Variants in ITGA11 observed in about 807,000 individuals in gnomAD.
ITGA11 encodes the protein integrin alpha-11.
A neutral mutation model predicts 141.9 loss-of-function variants in ITGA11; 97 were observed. The observed-to-expected ratio is 0.68, with a 90% confidence interval of 0.58 to 0.81. The LOEUF is 0.81. Among genes scored for constraint, ITGA11 ranks in the 30% least tolerant of loss-of-function variants. The pLI, the probability that ITGA11 is intolerant of heterozygous loss-of-function variation, is 0.00. For missense variants in ITGA11, 1,387 were observed against 1,559.2 expected (o/e 0.89, Z 1.86); for synonymous variants, 658 against 624.6 (o/e 1.05, Z -0.80).
chr15:68,325,603 C>A lies in ITGA11; in HGVS notation c.2212-362G>T, dbSNP rs1893950642. ...CACCACTCTCTTCAGACCAGTTACG[C>A]CTGCTGCTCATGTAGCATTTGAACC... On this transcript the variant is annotated intron_variant, in intron 17 of 29. Coordinates refer to ENST00000315757, the MANE Select transcript of ITGA11 (RefSeq NM_001004439.2). The surrounding 1 kb of genome is among the most constrained non-coding windows in gnomAD (Gnocchi z 5.5). Among the ~76,000 whole-genome samples, 1 of 152,224 alleles carries A rather than the reference C, an allele frequency of 6.6e-6. No homozygotes were observed. Among genetic ancestry groups the A allele is most frequent in the Non-Finnish European group, 1.5e-5 (1 of 68,044 alleles).
At chr15:68,373,829 T>C (rs766719145) in intron 2 of ITGA11, among the ~76,000 whole-genome samples, 2 of 152,116 alleles carry the variant, frequency 1.3e-5, no homozygotes, top group Admixed American at 1.3e-4. Flanking sequence ...AGCTGATGCA[T>C]TGACAGTGGG....
intron 15 of ITGA11, among the ~76,000 whole-genome samples, chr15:68,329,335 C>T (rs1567131144): frequency 1.3e-5 from 2 of 152,214 alleles, no homozygotes; most frequent in African/African-American, 4.8e-5. Context: ...AAAATTACTG[C>T]TGCCCAGGTC....
intron 2 of ITGA11, among the ~76,000 whole-genome samples, chr15:68,396,514 A>C (rs539616844): frequency 3.9e-5 from 6 of 152,156 alleles, no homozygotes; most frequent in African/African-American, 1.4e-4. Context: ...TCATAGCAGA[A>C]ATAAGAAAAG....
chr15:68,422,129 G>A (rs1245239893), intron 1 of ITGA11, among the ~76,000 whole-genome samples: 5 of 152,148 alleles, frequency 3.3e-5, no homozygotes, highest in African/African-American at 7.2e-5. Context: ...GCCGTGGGGC[G>A]CTCCCTCTCA....
chr15:68,317,082 G>T (rs1369435694), intron 21 of ITGA11, among the ~76,000 whole-genome samples, 183 bp downstream of exon 21: 1 of 152,188 alleles, frequency 6.6e-6, no homozygotes, highest in Non-Finnish European at 1.5e-5. Flanking sequence ...CATGGGGATG[G>T]CTGGCTCATT....
At position 68,303,063 on chromosome 15, in the gene ITGA11, T is replaced by C. The variant is rs1357026733; in HGVS notation, c.3563A>G (p.Glu1188Gly). The change falls in exon 30 of 30, where the codon GAG becomes GGG. Residue 1188 changes from glutamate to glycine, a missense_variant. By Grantham distance (98) the Glu-to-Gly change is moderately conservative. Coordinates refer to ENST00000315757, the MANE Select transcript of ITGA11 (RefSeq NM_001004439.2). The surrounding 1 kb of genome is among the most constrained non-coding windows in gnomAD (Gnocchi z 5.3). ...CTCAAAGTCTCCTCTGGAGCCTCAC[T>C]CCAGCACTTTGGGGGTGGGGTCCAG... Reference protein sequence around the residue: ...PGLDPTPKVLE With the variant: ...PGLDPTPKVLG 2.6e-6 allele frequency: 4 copies of C among 1,549,594 alleles called. No individual in the cohort carries two copies. The highest frequency in any genetic ancestry group is 2.7e-5 in the African/African-American group (2 of 72,992).
chr15:68,343,206 GT>G (rs1205405858), intron 10 of ITGA11, among the ~76,000 whole-genome samples: 1 of 152,168 alleles, frequency 6.6e-6, no homozygotes, highest in Admixed American at 6.5e-5. Flanking sequence ...GAAGAATCAG[GT>G]GTCACAGTCA....
intron 2 of ITGA11, among the ~76,000 whole-genome samples, chr15:68,385,178 C>T (rs4776404): frequency 0.66 from 100,135 of 152,192 alleles, 34,508 homozygotes; most frequent in South Asian, 0.76. Flanking sequence ...GCTTGAGTTT[C>T]CATTGCTTGG....
chr15:68,305,190 G>A lies in ITGA11; in HGVS notation c.3382-1305C>T, dbSNP rs1893152909. Among the ~76,000 whole-genome samples, 1 of 152,178 alleles carries A rather than the reference G, an allele frequency of 6.6e-6. No individual in the cohort carries two copies. Among genetic ancestry groups the A allele is most frequent in the African/African-American group, 2.4e-5 (1 of 41,448 alleles). ...GCATGCATGCCATGGCGTGCCTGCT[G>A]TAGGCATTGCTATTCCCTCTGCCTG... On this transcript the variant is annotated intron_variant, in intron 28 of 29. Coordinates refer to ENST00000315757, the MANE Select transcript of ITGA11 (RefSeq NM_001004439.2). The surrounding 1 kb of genome is among the most constrained non-coding windows in gnomAD (Gnocchi z 4.6).
chr15:68,354,700 T>C (rs902436697), intron 7 of ITGA11, among the ~76,000 whole-genome samples: 1 of 152,192 alleles, frequency 6.6e-6, no homozygotes, highest in South Asian at 2.1e-4. Flanking sequence ...GCAGTTCTCC[T>C]TGGCCACTCC....
At chr15:68,367,611 T>C (rs1196856671) in intron 3 of ITGA11, among the ~76,000 whole-genome samples, 1 of 152,214 alleles carries the variant, frequency 6.6e-6, no homozygotes, top group Non-Finnish European at 1.5e-5. Context: ...CCTAAAACTA[T>C]CCTGCTTCTT....
At chr15:68,376,266 C>G (rs1247864140) in intron 2 of ITGA11, among the ~76,000 whole-genome samples, 1 of 151,310 alleles carries the variant, frequency 6.6e-6, no homozygotes, top group Non-Finnish European at 1.5e-5. Context: ...ACTGTGTGCA[C>G]AGCCGGGTCT....
At chr15:68,311,533 C>T in intron 24 of ITGA11, 130 bp from the exon 25 acceptor site, 1 of 644,802 alleles carries the variant, frequency 1.6e-6, no homozygotes. Flanking sequence ...CCACTCAAGA[C>T]CCCTGGTGTT....
At chr15:68,343,669 C>T (rs1221529178) in intron 10 of ITGA11, among the ~76,000 whole-genome samples, 2 of 152,172 alleles carry the variant, frequency 1.3e-5, no homozygotes, top group African/African-American at 4.8e-5. Flanking sequence ...AGGCTGTCCT[C>T]CCCCGCCAAA....
At chr15:68,317,243 C>T in intron 21 of ITGA11, 22 bp downstream of exon 21, 4 of 1,569,686 alleles carry the variant, frequency 2.5e-6, no homozygotes, top group Non-Finnish European at 3.5e-6. Context: ...TGACCCTCCC[C>T]CACATTGTCC....
In ITGA11 at chr15:68,302,021, G is replaced by GAGCGCTGGCCAAGCCCTTCCCTC. The variant is rs1163858845; in HGVS notation, c.*1037_*1038insGAGGGAAGGGCTTGGCCAGCGCT. The GAGCGCTGGCCAAGCCCTTCCCTC allele has an allele frequency of 6.5e-6, 1 of 154,480 alleles. No homozygotes were observed. Among genetic ancestry groups the GAGCGCTGGCCAAGCCCTTCCCTC allele is most frequent in the African/African-American group, 2.4e-5 (1 of 41,070 alleles). The allele number at this position is 154,480 out of a possible 1,614,324, so 9.6% of individuals were successfully genotyped here. On this transcript the variant is annotated 3_prime_UTR_variant, in exon 30 of 30. Transcript: ENST00000315757. ...AACAGCGCTGGCCAAGCCCTTCCCT[G>GAGCGCTGGCCAAGCCCTTCCCTC]TGCACTGGCGGGCATGAGGGAAGGA...
Position 68,362,281 on chromosome 15 carries a change from T to C in ITGA11, c.358-577A>G, listed in dbSNP as rs185614103. The stretch of plus-strand genomic sequence containing the variant: ...GAGTGAAGGGTTCTTCTCAGAGTCA[T>C]TGTCATTAAAAATGAAAGCTCAGCT... On this transcript the variant is annotated intron_variant, in intron 4 of 29. Transcript: ENST00000315757. Among the ~76,000 whole-genome samples the C allele has an allele frequency of 1.4e-4, 21 of 152,340 alleles. No individual in the cohort carries two copies. In the East Asian group the frequency reaches 3.1e-3, roughly 22 times the overall value.
intron 20 of ITGA11, among the ~76,000 whole-genome samples, chr15:68,319,533 T>C (rs543030235): frequency 2.0e-5 from 3 of 152,192 alleles, no homozygotes; most frequent in Non-Finnish European, 4.4e-5. Context: ...GTGGGTGAGA[T>C]GGGCCTTGAA....
chr15:68,404,163 A>G (rs1441515830), intron 1 of ITGA11, among the ~76,000 whole-genome samples: 1 of 149,028 alleles, frequency 6.7e-6, no homozygotes, highest in Non-Finnish European at 1.5e-5. Context: ...TCCCTTCATT[A>G]CCGCCTCCCC....
Sources: gnomAD v4.1 joint callset for allele counts (sites outside exome capture counted in the v4.1 genomes callset) on GRCh38, gnomAD v4.1.1 for gene constraint, Gnocchi (gnomAD v3.1) non-coding constraint, MANE v1.5 for transcripts, NCBI Gene and HGNC (gene_info 2026-07-23, HGNC 2026-07-21) for gene names.